Variants in FSTL4 observed in about 807,000 individuals in gnomAD.
FSTL4 encodes the protein follistatin-related protein 4.
FSTL4 carries 28 observed loss-of-function variants against 78.2 expected under a neutral mutation model. That is an observed-to-expected ratio of 0.36 (90% CI 0.27 to 0.49). FSTL4 has a LOEUF of 0.49. Among genes scored for constraint, FSTL4 ranks in the 20% least tolerant of loss-of-function variants. The pLI is 0.98. For missense variants in FSTL4, 922 were observed against 1,084.9 expected, an observed-to-expected ratio of 0.85 and a Z score of 2.11; for synonymous variants, 422 against 440.5, an observed-to-expected ratio of 0.96 and a Z score of 0.53.
chr5:133,744,394 G>GC, the FSTL4 span, among the ~76,000 whole-genome samples: 4 of 152,250 alleles, frequency 2.6e-5, no homozygotes, highest in Admixed American at 2.6e-4. Context: ...TGTGATAAGC[G>GC]CCCCATGTAA....
chr5:133,370,538 C>T (rs29547), intron 4 of FSTL4, among the ~76,000 whole-genome samples: 104,728 of 151,846 alleles, frequency 0.69, 37,667 homozygotes, highest in Middle Eastern at 0.81. Context: ...CCCAGGCAAG[C>T]CAGCGTGCTC....
At chr5:133,397,580 C>T (rs1756090437) in intron 4 of FSTL4, among the ~76,000 whole-genome samples, 2 of 152,238 alleles carry the variant, frequency 1.3e-5, no homozygotes, top group African/African-American at 4.8e-5. Flanking sequence ...AATGCTGCCT[C>T]TTCTCCCTTG....
At chr5:133,701,509 A>ACACCC in the FSTL4 span, among the ~76,000 whole-genome samples, 595 of 132,636 alleles carry the variant, frequency 4.5e-3, 3 homozygotes, top group Non-Finnish European at 5.4e-3. Context: ...ACACACACAC[A>ACACCC]CCCCACAGGC....
the FSTL4 span, among the ~76,000 whole-genome samples, chr5:133,687,027 C>A: frequency 1.3e-5 from 2 of 152,142 alleles, no homozygotes; most frequent in African/African-American, 4.8e-5. Context: ...GTGCACACAA[C>A]AAAACATACA....
At chr5:133,667,036 G>A in the FSTL4 span, among the ~76,000 whole-genome samples, 1 of 152,000 alleles carries the variant, frequency 6.6e-6, no homozygotes, top group Non-Finnish European at 1.5e-5. Context: ...TCTTCACTTG[G>A]TTGTCTAATA....
intron 3 of FSTL4, among the ~76,000 whole-genome samples, chr5:133,499,608 T>C (rs10039007): frequency 6.6e-6 from 1 of 152,094 alleles, no homozygotes; most frequent in African/African-American, 2.4e-5. Context: ...TGACAACTCA[T>C]ATTTGCTTCA....
At chr5:133,363,830 C>A (rs1289018401) in intron 4 of FSTL4, among the ~76,000 whole-genome samples, 2 of 152,164 alleles carry the variant, frequency 1.3e-5, no homozygotes, top group Admixed American at 1.3e-4. Flanking sequence ...CCCTGCCCAC[C>A]CCTGTCTTTC....
chr5:133,533,531 C>A (rs1304710407), intron 3 of FSTL4, among the ~76,000 whole-genome samples: 2 of 152,234 alleles, frequency 1.3e-5, no homozygotes, highest in Non-Finnish European at 2.9e-5. Context: ...CAGGCGTGAG[C>A]CACCATGCCT....
At chr5:133,757,629 G>A in the FSTL4 span, among the ~76,000 whole-genome samples, 1 of 152,188 alleles carries the variant, frequency 6.6e-6, no homozygotes, top group Non-Finnish European at 1.5e-5. Context: ...CGGCATGGTG[G>A]GGAGAACAAT....
At chr5:133,302,758 C>G (rs1271317139) in intron 6 of FSTL4, among the ~76,000 whole-genome samples, 1 of 152,238 alleles carries the variant, frequency 6.6e-6, no homozygotes, top group Non-Finnish European at 1.5e-5. Flanking sequence ...CGGCGCATGC[C>G]ACACGTGGGC....
At chr5:133,282,827 A>G (rs1753040185) in intron 6 of FSTL4, among the ~76,000 whole-genome samples, 1 of 152,192 alleles carries the variant, frequency 6.6e-6, no homozygotes, top group Non-Finnish European at 1.5e-5. Flanking sequence ...TACCGCTCTG[A>G]AAGGGTCTGT....
chr5:133,521,478 C>T (rs1758980299), intron 3 of FSTL4, among the ~76,000 whole-genome samples: 1 of 152,110 alleles, frequency 6.6e-6, no homozygotes, highest in South Asian at 2.1e-4. Flanking sequence ...CTCACCAAGG[C>T]AGGAGCTTTG....
chr5:133,752,300 C>T, the FSTL4 span, among the ~76,000 whole-genome samples: 5 of 152,204 alleles, frequency 3.3e-5, no homozygotes, highest in South Asian at 2.1e-4. Context: ...GCCCCTGGCT[C>T]AGACCCCTGG....
intron 2 of FSTL4, among the ~76,000 whole-genome samples, chr5:133,568,347 G>A (rs1316154818): frequency 2.0e-5 from 3 of 152,140 alleles, no homozygotes; most frequent in African/African-American, 4.8e-5. Context: ...CCTCAACACC[G>A]CAGCCAAGAA....
At chr5:133,463,652 T>C (rs982063925) in intron 3 of FSTL4, among the ~76,000 whole-genome samples, 5 of 152,356 alleles carry the variant, frequency 3.3e-5, no homozygotes, top group Non-Finnish European at 5.9e-5. Flanking sequence ...ACAAATTTCT[T>C]ACATAATCAG....
the FSTL4 span, among the ~76,000 whole-genome samples, chr5:133,688,090 G>T: frequency 1.3e-5 from 2 of 152,192 alleles, no homozygotes; most frequent in Non-Finnish European, 2.9e-5. Context: ...TATCAGGAAG[G>T]CTAGGAAATG....
chr5:133,802,059 C>A, the FSTL4 span, among the ~76,000 whole-genome samples: 84 of 152,348 alleles, frequency 5.5e-4, no homozygotes, highest in African/African-American at 2.0e-3. Flanking sequence ...AACACCTGTG[C>A]CTCTCCTTCA....
At chr5:133,657,713 C>A in the FSTL4 span, among the ~76,000 whole-genome samples, 1 of 149,772 alleles carries the variant, frequency 6.7e-6, no homozygotes, top group Non-Finnish European at 1.5e-5. Context: ...TTACTCAACA[C>A]TATTTTAAGA....
the FSTL4 span, among the ~76,000 whole-genome samples, chr5:133,704,145 G>A: frequency 6.6e-5 from 10 of 152,142 alleles, no homozygotes; most frequent in Non-Finnish European, 1.3e-4. Flanking sequence ...TGGTAGCAGA[G>A]GGCCCTCTCT....
Sources: gnomAD v4.1 joint callset for allele counts (sites outside exome capture counted in the v4.1 genomes callset) on GRCh38, gnomAD v4.1.1 for gene constraint, MANE v1.5 for transcripts, NCBI Gene and HGNC (gene_info 2026-07-23, HGNC 2026-07-21) for gene names.